Variants in SORCS2 observed in about 807,000 individuals in gnomAD.
The protein encoded by SORCS2 is sortilin related VPS10 domain containing receptor 2.
A neutral mutation model predicts 141.6 loss-of-function variants in SORCS2; 100 were observed. The observed-to-expected ratio is 0.71, with a 90% CI of 0.60 to 0.83. SORCS2 has a LOEUF of 0.83. Among genes scored for constraint, SORCS2 ranks in the 40% least tolerant of loss-of-function variants. The pLI, the probability that SORCS2 is intolerant of heterozygous loss-of-function variation, is 0.00. For missense variants in SORCS2, 1,646 were observed against 1,560.2 expected, an observed-to-expected ratio of 1.05 and a Z score of -0.93; for synonymous variants, 789 against 676.9, an observed-to-expected ratio of 1.17 and a Z score of -2.57.
intron 11 of SORCS2, 60 bp downstream of exon 11, chr4:7,689,648 A>C: frequency 6.9e-7 from 1 of 1,458,728 alleles, no homozygotes; most frequent in Non-Finnish European, 9.4e-7. Context: ...AGTACCTCCA[A>C]TCTTAAGGGT....
chr4:7,619,902 T>C (rs1719040332), intron 3 of SORCS2, among the ~76,000 whole-genome samples: 1 of 151,944 alleles, frequency 6.6e-6, no homozygotes, highest in Admixed American at 6.6e-5. Context: ...ATAAAGAGGG[T>C]CTCGGCACAG....
chr4:7,397,606 T>C (rs1000971390), intron 2 of SORCS2, among the ~76,000 whole-genome samples: 3 of 152,050 alleles, frequency 2.0e-5, no homozygotes, highest in Non-Finnish European at 4.4e-5. Flanking sequence ...TGTGTGCTGG[T>C]GGGGTTGCTT....
chr4:7,667,181 C>T lies in SORCS2; in HGVS notation c.1129C>T (p.Leu377=), dbSNP rs938033530. 5 of 1,613,762 alleles carry T rather than the reference C, an allele frequency of 3.1e-6. No homozygotes were observed. Among genetic ancestry groups the T allele is most frequent in the Admixed American group, 3.3e-5 (2 of 60,000 alleles). The change falls in exon 8 of 27, where the codon CTG becomes TTG. Residue 377 remains leucine (L), a synonymous_variant. Transcript: ENST00000507866. ...CTCTTATCGTCGAAATGAATTTGTCCTGATGAAGCTGCCGAAGTATGCATT... is the reference window on the plus strand; with the variant it reads ...CTCTTATCGTCGAAATGAATTTGTCTTGATGAAGCTGCCGAAGTATGCATT... The part of the protein sequence containing the change: ...YVSYRRNEFV[L]MKLPKYALPK...
intron 1 of SORCS2, among the ~76,000 whole-genome samples, chr4:7,311,992 C>T (rs937009347): frequency 6.6e-6 from 1 of 152,190 alleles, no homozygotes; most frequent in Non-Finnish European, 1.5e-5. Context: ...TCTCCTACCT[C>T]AGCCTCCCAA....
chr4:7,640,423 CGTGT>C (rs1227218526), intron 4 of SORCS2, among the ~76,000 whole-genome samples: 3 of 76,066 alleles, frequency 3.9e-5, no homozygotes, highest in East Asian at 7.3e-4. Context: ...TGTGTGTGAT[CGTGT>C]GTGTGAGTCT....
At chr4:7,637,201 G>A (rs1560444869) in intron 3 of SORCS2, among the ~76,000 whole-genome samples, 1 of 152,142 alleles carries the variant, frequency 6.6e-6, no homozygotes, top group Non-Finnish European at 1.5e-5. Context: ...GAATCTTTTT[G>A]GGGTCACTAA....
At position 7,740,360 on chromosome 4, in the gene SORCS2, C is replaced by G; in HGVS notation, c.*96C>G. On this transcript the variant is annotated 3_prime_UTR_variant, in exon 27 of 27. Coordinates refer to ENST00000507866, the MANE Select transcript of SORCS2 (RefSeq NM_020777.3). ...GCGCCCCTCAGAGACCTGCGGAAAGCCCCCTCCCTGAGTCGTCGCCACACC... is the reference window on the plus strand; with the variant it reads ...GCGCCCCTCAGAGACCTGCGGAAAGGCCCCTCCCTGAGTCGTCGCCACACC... 8.6e-7 allele frequency: 1 copy of G among 1,163,522 alleles called. No homozygotes were observed. The highest frequency in any genetic ancestry group is 1.2e-6 in the Non-Finnish European group (1 of 804,738). 72.1% of individuals were successfully genotyped at this position (1,163,522 alleles called of 1,614,324 possible).
intron 11 of SORCS2, among the ~76,000 whole-genome samples, chr4:7,690,543 TGATG>T (rs200780909): frequency 0.014 from 2,144 of 151,352 alleles, 22 homozygotes; most frequent in Non-Finnish European, 0.019. Flanking sequence ...GGATGATGCA[TGATG>T]GATGGATGGC....
chr4:7,243,043 CTGGGGG>C (rs1438268030), intron 1 of SORCS2, among the ~76,000 whole-genome samples: 96 of 148,690 alleles, frequency 6.5e-4, no homozygotes, highest in African/African-American at 2.4e-3. Flanking sequence ...TGCAGGGCCC[CTGGGGG>C]TTGAGGGTTG....
At chr4:7,498,370 G>A (rs1360293992) in intron 2 of SORCS2, among the ~76,000 whole-genome samples, 3 of 152,238 alleles carry the variant, frequency 2.0e-5, no homozygotes, top group Non-Finnish European at 4.4e-5. Context: ...CAGAGGCTGT[G>A]TTCCTTAAGT....
chr4:7,505,048 C>T (rs1279454411), intron 2 of SORCS2, among the ~76,000 whole-genome samples: 2 of 152,158 alleles, frequency 1.3e-5, no homozygotes, highest in Non-Finnish European at 2.9e-5. Context: ...AGGATGGAAA[C>T]CTGGAGCGCC....
At chr4:7,702,666 AC>A (rs1239595252) in intron 12 of SORCS2, among the ~76,000 whole-genome samples, 1 of 152,064 alleles carries the variant, frequency 6.6e-6, no homozygotes, top group Non-Finnish European at 1.5e-5. Context: ...TCACTTGTTC[AC>A]TGATTCATTC....
chr4:7,417,218 G>A (rs1725758938), intron 2 of SORCS2, among the ~76,000 whole-genome samples: 1 of 152,194 alleles, frequency 6.6e-6, no homozygotes, highest in Non-Finnish European at 1.5e-5. Flanking sequence ...CGAGTGGCAT[G>A]AAGGGCGAGC....
chr4:7,475,647 G>C (rs1020293778), intron 2 of SORCS2, among the ~76,000 whole-genome samples: 4 of 152,234 alleles, frequency 2.6e-5, no homozygotes, highest in Non-Finnish European at 5.9e-5. Flanking sequence ...CAGAACTCGT[G>C]ACTGTGTGTG....
At chr4:7,226,838 G>GT (rs1012197018) in intron 1 of SORCS2, among the ~76,000 whole-genome samples, 9 of 152,210 alleles carry the variant, frequency 5.9e-5, no homozygotes, top group African/African-American at 1.9e-4. Context: ...GCACCAGGGC[G>GT]TGGCCTGTTT....
intron 3 of SORCS2, among the ~76,000 whole-genome samples, chr4:7,637,341 C>T (rs991615227): frequency 4.6e-5 from 7 of 152,196 alleles, no homozygotes; most frequent in Non-Finnish European, 8.8e-5. Flanking sequence ...CTGGGGACCC[C>T]CGGCTCAGCG....
intron 3 of SORCS2, among the ~76,000 whole-genome samples, chr4:7,542,705 C>T (rs906961526): frequency 6.6e-6 from 1 of 152,234 alleles, no homozygotes; most frequent in Admixed American, 6.5e-5. Flanking sequence ...AAGCCCCAGA[C>T]GCTGATGAGA....
chr4:7,689,515 C>A lies in SORCS2; in HGVS notation c.1518C>A (p.Arg506=). ...PPDCHLHLHL[R]WADNPYVSGT... Reference sequence around the variant, plus strand: ...ACTGCCACCTGCACCTGCACCTGCGCTGGGCAGACAACCCCTACGTATCAG... The same window carrying A: ...ACTGCCACCTGCACCTGCACCTGCGATGGGCAGACAACCCCTACGTATCAG... The change falls in exon 11 of 27, where the codon CGC becomes CGA. Residue 506 remains arginine (R), a synonymous_variant. Coordinates refer to ENST00000507866, the MANE Select transcript of SORCS2 (RefSeq NM_020777.3). 6.2e-7 allele frequency: 1 copy of A among 1,605,804 alleles called. No individual in the cohort carries two copies. The highest frequency in any genetic ancestry group is 1.1e-5 in the South Asian group (1 of 89,090).
chr4:7,470,300 T>C (rs141707479), intron 2 of SORCS2, among the ~76,000 whole-genome samples: 4 of 151,644 alleles, frequency 2.6e-5, no homozygotes, highest in Non-Finnish European at 5.9e-5. Context: ...CTTCCATCCA[T>C]CTACATATTC....
Sources: allele counts gnomAD v4.1 joint callset (sites outside exome capture counted in the v4.1 genomes callset), GRCh38; gene constraint gnomAD v4.1.1; transcripts MANE v1.5; gene names NCBI Gene and HGNC (gene_info 2026-07-23, HGNC 2026-07-21).